CSMD1: variants seen among roughly 807,000 people sequenced by gnomAD.
CSMD1 encodes the protein CUB and Sushi multiple domains 1.
Under a neutral mutation model 417.5 loss-of-function variants are expected in CSMD1, and 213 were observed. That is an observed-to-expected ratio of 0.51 (90% CI 0.46 to 0.57). The LOEUF is 0.57. CSMD1 is among the 20% of genes least tolerant of loss of function. The pLI is 0.00. For missense variants in CSMD1, 6,923 were observed against 4,529.7 expected (o/e 1.53, Z -15.17); for synonymous variants, 2,862 against 1,736.8 (o/e 1.65, Z -16.11).
At chr8:4,233,436 G>C (rs1178347315) in intron 3 of CSMD1, among the ~76,000 whole-genome samples, 4 of 152,204 alleles carry the variant, frequency 2.6e-5, no homozygotes, top group African/African-American at 9.6e-5. Context: ...CCCCGAATGT[G>C]ATGGTATTTG....
intron 5 of CSMD1, among the ~76,000 whole-genome samples, chr8:3,805,751 T>C (rs1800697502): frequency 6.6e-6 from 1 of 152,174 alleles, no homozygotes; most frequent in South Asian, 2.1e-4. Flanking sequence ...TTTGTGATAC[T>C]CTTTGAGTCC....
chr8:4,078,364 G>C (rs1024610805), intron 3 of CSMD1, among the ~76,000 whole-genome samples: 1 of 144,324 alleles, frequency 6.9e-6, no homozygotes, highest in Non-Finnish European at 1.5e-5. Flanking sequence ...TCGCAGGCTG[G>C]AGTGCAGTGG....
intron 39 of CSMD1, among the ~76,000 whole-genome samples, chr8:3,155,222 T>C (rs1052279630): frequency 3.3e-5 from 5 of 152,016 alleles, no homozygotes; most frequent in African/African-American, 1.2e-4. Flanking sequence ...GTTTAAAAAA[T>C]TTCAATTCCT....
At chr8:4,872,691 C>G (rs567551194) in intron 1 of CSMD1, among the ~76,000 whole-genome samples, 1 of 152,176 alleles carries the variant, frequency 6.6e-6, no homozygotes, top group Admixed American at 6.5e-5. Flanking sequence ...ATACAACTTG[C>G]AAGGAACACA....
chr8:4,798,986 C>T (rs1052160807), intron 1 of CSMD1, among the ~76,000 whole-genome samples: 2 of 152,174 alleles, frequency 1.3e-5, no homozygotes, highest in Non-Finnish European at 2.9e-5. Flanking sequence ...CGCCCACATC[C>T]TCCTTCCTCA....
In CSMD1 at chr8:3,304,938, G is replaced by T. The variant is rs116133811; in HGVS notation, c.3950+2757C>A. Among the ~76,000 whole-genome samples, 777 of 152,012 alleles carry T rather than the reference G, an allele frequency of 5.1e-3. 6 individuals are homozygous for T. The highest frequency in any genetic ancestry group is 0.017 in the African/African-American group (716 of 41,536). On this transcript the variant is annotated intron_variant, in intron 25 of 69. Transcript: ENST00000635120. ...ATTTTTATATAAAGTCATTCCATTA[G>T]CATAGATGATTTCTACAACTTTTCA... is the stretch of plus-strand genomic sequence containing the variant.
chr8:4,515,909 C>T (rs1180549705), intron 2 of CSMD1, among the ~76,000 whole-genome samples: 1 of 152,100 alleles, frequency 6.6e-6, no homozygotes, highest in Non-Finnish European at 1.5e-5. Flanking sequence ...AAAAATAGCC[C>T]AAACTAGCAG....
intron 3 of CSMD1, among the ~76,000 whole-genome samples, chr8:4,375,029 C>T (rs1802642767): frequency 6.7e-6 from 1 of 148,958 alleles, no homozygotes; most frequent in Admixed American, 6.8e-5. Flanking sequence ...GGAGCTAGAG[C>T]AATTTGTGAA....
At chr8:3,805,281 AG>A (rs1425883858) in intron 5 of CSMD1, among the ~76,000 whole-genome samples, 1 of 152,196 alleles carries the variant, frequency 6.6e-6, no homozygotes, top group African/African-American at 2.4e-5. Flanking sequence ...AGCATCGCAG[AG>A]GAAGGAGCCA....
At chr8:3,753,896 T>A in intron 6 of CSMD1, 34 bp downstream of exon 6, 1 of 1,360,792 alleles carries the variant, frequency 7.3e-7, no homozygotes, top group Non-Finnish European at 1.0e-6. Context: ...TACGCTCTGT[T>A]TTTTTTTTTT....
At position 3,349,890 on chromosome 8, in the gene CSMD1, T is replaced by TAC. The variant is rs1317214939; in HGVS notation, c.3305-1730_3305-1729insGT. Among the ~76,000 whole-genome samples the TAC allele has an allele frequency of 1.4e-4, 13 of 96,140 alleles. No homozygotes were observed. The East Asian group carries it at 3.3e-3, about 24-fold the overall frequency. 63.1% of individuals were successfully genotyped at this position (96,140 alleles called of 152,430 possible). A position where few individuals can be genotyped will look rare whatever the true frequency, so the allele number is the denominator to read the frequency against. On this transcript the variant is annotated intron_variant, in intron 21 of 69. Coordinates refer to ENST00000635120, the MANE Select transcript of CSMD1 (RefSeq NM_033225.6). ...AAATATATTTATATCTATATATATA[T>TAC]TTATAATATATATTTATATATATTT...
intron 5 of CSMD1, among the ~76,000 whole-genome samples, chr8:3,866,356 A>T (rs1038245542): frequency 6.6e-6 from 1 of 152,210 alleles, no homozygotes; most frequent in African/African-American, 2.4e-5. Context: ...CTTTTACTGG[A>T]ATACAGAACA....
chr8:4,107,977 G>T (rs1261703970), intron 3 of CSMD1, among the ~76,000 whole-genome samples: 1 of 151,982 alleles, frequency 6.6e-6, no homozygotes, highest in Non-Finnish European at 1.5e-5. Flanking sequence ...CATTGACCGG[G>T]GAGCTTAGAG....
rs151011574 is a variant in CSMD1, at chr8:3,797,006, T to C, written c.819-42964A>G. Among the ~76,000 whole-genome samples, 26 of 151,940 alleles carry C rather than the reference T, an allele frequency of 1.7e-4. No individual in the cohort carries two copies. In the East Asian group the frequency reaches 5.0e-3, roughly 29 times the overall value. Reference sequence around the variant, plus strand: ...AAAAAGTTAATGTAATATTTAATAATGTTGTTAATTATATAAATTTAAAAA... The same window carrying C: ...AAAAAGTTAATGTAATATTTAATAACGTTGTTAATTATATAAATTTAAAAA... On this transcript the variant is annotated intron_variant, in intron 5 of 69. Transcript: ENST00000635120.
intron 3 of CSMD1, among the ~76,000 whole-genome samples, chr8:4,217,721 G>C (rs547208883): frequency 6.6e-6 from 1 of 152,186 alleles, no homozygotes; most frequent in South Asian, 2.1e-4. Flanking sequence ...AAATACAACT[G>C]TATGACTTCT....
intron 6 of CSMD1, among the ~76,000 whole-genome samples, chr8:3,709,215 T>C (rs964707749): frequency 8.0e-5 from 12 of 150,896 alleles, no homozygotes; most frequent in Admixed American, 6.6e-4. Flanking sequence ...TTATAGAATA[T>C]AAAATGTTAT....
chr8:4,065,763 T>G (rs866170451), intron 3 of CSMD1, among the ~76,000 whole-genome samples: 28 of 152,276 alleles, frequency 1.8e-4, no homozygotes, highest in Middle Eastern at 3.4e-3. Context: ...TGCTAAATAT[T>G]TGGGGAACTA....
chr8:3,319,434 G>A (rs182034743), intron 23 of CSMD1, among the ~76,000 whole-genome samples: 3 of 152,270 alleles, frequency 2.0e-5, no homozygotes, highest in Admixed American at 2.0e-4. Context: ...GAGTTTGATA[G>A]CTTGAGTAAT....
rs555453391 is a variant in CSMD1, at chr8:3,777,110, C to T, written c.819-23068G>A. Among the ~76,000 whole-genome samples, 700 of 97,988 alleles carry T rather than the reference C, an allele frequency of 7.1e-3. 5 individuals carry two copies. The highest frequency in any genetic ancestry group is 0.025 in the African/African-American group (670 of 26,600). 64.3% of individuals were successfully genotyped at this position (97,988 alleles called of 152,430 possible). A position where few individuals can be genotyped will look rare whatever the true frequency, so the allele number is the denominator to read the frequency against. On this transcript the variant is annotated intron_variant, in intron 5 of 69. Transcript: ENST00000635120. ...TCTATCTATCATCTGTCTATATTAG[C>T]TATCTATACCTACACACACACACAC...
Sources: allele counts gnomAD v4.1 joint callset (sites outside exome capture counted in the v4.1 genomes callset), GRCh38; gene constraint gnomAD v4.1.1; transcripts MANE v1.5; gene names NCBI Gene and HGNC (gene_info 2026-07-23, HGNC 2026-07-21).